Variants in CCDC171 observed in about 807,000 individuals in gnomAD.
CCDC171 encodes coiled-coil domain-containing protein 171.
A neutral mutation model predicts 168.2 loss-of-function variants in CCDC171; 177 were observed. That is an observed-to-expected ratio of 1.05 (90% CI 0.93 to 1.19). CCDC171 has a LOEUF of 1.19. Among genes scored for constraint, CCDC171 ranks in the 50% most tolerant of loss-of-function variants. CCDC171 has a pLI of 0.00. For missense variants in CCDC171, 1,991 were observed against 1,539.0 expected (o/e 1.29, Z -4.91); for synonymous variants, 687 against 540.8 (o/e 1.27, Z -3.75).
rs570568884 is a variant in CCDC171 at position 15,610,336 on chromosome 9, A to G, written c.676-12931A>G. 6.1e-3 allele frequency among the ~76,000 whole-genome samples: 909 copies of G among 148,526 alleles called. 7 individuals are homozygous for G. The highest frequency in any genetic ancestry group is 0.022 in the African/African-American group (884 of 40,362). Reference sequence around the variant, plus strand: ...AACCTCCTGGGCTCGGCTGGGCGCGATGGCTCATGCCTGTAATCCCAGCAC... The same window carrying G: ...AACCTCCTGGGCTCGGCTGGGCGCGGTGGCTCATGCCTGTAATCCCAGCAC... On this transcript the variant is annotated intron_variant, in intron 6 of 25. Transcript: ENST00000380701.
At chr9:15,753,936 T>G (rs2055926340) in intron 18 of CCDC171, among the ~76,000 whole-genome samples, 1 of 152,186 alleles carries the variant, frequency 6.6e-6, no homozygotes, top group African/African-American at 2.4e-5. Flanking sequence ...TGGATATAAC[T>G]TGACCATCTG....
At chr9:15,616,293 C>A (rs2044078978) in intron 6 of CCDC171, among the ~76,000 whole-genome samples, 1 of 151,710 alleles carries the variant, frequency 6.6e-6, no homozygotes, top group Non-Finnish European at 1.5e-5. Context: ...GCCATGTTGC[C>A]CAGTGTGGTC....
intron 25 of CCDC171, among the ~76,000 whole-genome samples, chr9:15,968,790 C>T (rs942017933): frequency 4.6e-5 from 7 of 152,140 alleles, no homozygotes; most frequent in South Asian, 2.1e-4. Flanking sequence ...CCACCCACCT[C>T]GGCCTCCCAA....
At chr9:15,866,684 A>G (rs890781476) in intron 23 of CCDC171, among the ~76,000 whole-genome samples, 10 of 152,040 alleles carry the variant, frequency 6.6e-5, no homozygotes, top group African/African-American at 2.2e-4. Flanking sequence ...ATTGACTAAC[A>G]TAATACTCTG....
chr9:15,666,750 G>C (rs548947566), intron 9 of CCDC171, among the ~76,000 whole-genome samples: 1 of 152,046 alleles, frequency 6.6e-6, no homozygotes, highest in Admixed American at 6.6e-5. Flanking sequence ...ACCTGAGCCC[G>C]GGAGTTCAAG....
Position 15,719,440 on chromosome 9 carries a change from GAGAGA to G in CCDC171, c.1319-2328_1319-2324del, listed in dbSNP as rs1564279591. Among the ~76,000 whole-genome samples, 325 of 122,850 alleles carry G rather than the reference GAGAGA, an allele frequency of 2.6e-3. 8 individuals are homozygous for G. Among genetic ancestry groups the G allele is most frequent in the African/African-American group, 2.7e-3 (78 of 29,310 alleles). The allele number at this position is 122,850 out of a possible 152,430, so 80.6% of individuals were successfully genotyped here. ...AAAGAGAGAGAGAGAGAGAGAGAGA[GAGAGA>G]GAAAGTTTATTCAAATGGATAATAA... is the stretch of plus-strand genomic sequence containing the variant. On this transcript the variant is annotated intron_variant, in intron 11 of 25. Transcript: ENST00000380701.
At chr9:15,675,187 G>GTTTTTTTTTT (rs138989790) in intron 9 of CCDC171, among the ~76,000 whole-genome samples, 3 of 75,542 alleles carry the variant, frequency 4.0e-5, no homozygotes, top group Admixed American at 4.0e-4. Context: ...TGCAACTCCT[G>GTTTTTTTTTT]TTTTTTTTTT....
At chr9:15,847,227 ATAT>A (rs1391072979) in intron 22 of CCDC171, among the ~76,000 whole-genome samples, 14 of 152,064 alleles carry the variant, frequency 9.2e-5, no homozygotes, top group African/African-American at 3.4e-4. Flanking sequence ...TGTTCTGCAT[ATAT>A]TATTATATAC....
chr9:15,753,916 G>A (rs1457359253), intron 18 of CCDC171, among the ~76,000 whole-genome samples: 1 of 152,080 alleles, frequency 6.6e-6, no homozygotes, highest in Non-Finnish European at 1.5e-5. Context: ...TTATCAGTGT[G>A]GACCCTCTCT....
At chr9:15,930,452 T>C (rs1448617090) in intron 25 of CCDC171, among the ~76,000 whole-genome samples, 1 of 151,616 alleles carries the variant, frequency 6.6e-6, no homozygotes, top group Non-Finnish European at 1.5e-5. Context: ...AGAACATTCT[T>C]TTCAACATAC....
chr9:15,629,456 G>C (rs184357650), intron 7 of CCDC171, among the ~76,000 whole-genome samples: 1 of 152,236 alleles, frequency 6.6e-6, no homozygotes, highest in Admixed American at 6.5e-5. Flanking sequence ...ATGAAATGAA[G>C]CAAGAAGGGA....
chr9:15,594,110 G>C lies in CCDC171; in HGVS notation c.613G>C (p.Glu205Gln). Residue 205 changes from glutamate to glutamine, a missense_variant, in exon 6 of 26, where the codon GAG (glutamate) becomes CAG (glutamine). By Grantham distance (29) the Glu-to-Gln change is conservative. Coordinates refer to ENST00000380701, the MANE Select transcript of CCDC171 (RefSeq NM_173550.4). Reference protein sequence around the residue: ...ESHIRETALEEFRLQEEQWEA... With the variant: ...ESHIRETALEQFRLQEEQWEA... Reference sequence around the variant, plus strand: ...TCATATCAGGGAGACAGCATTGGAGGAGTTTAGATTACAAGAAGAACAATG... The same window carrying C: ...TCATATCAGGGAGACAGCATTGGAGCAGTTTAGATTACAAGAAGAACAATG... 6.5e-7 allele frequency: 1 copy of C among 1,541,490 alleles called. No individual in the cohort carries two copies. Among genetic ancestry groups the C allele is most frequent in the South Asian group, 1.1e-5 (1 of 88,112 alleles).
intron 24 of CCDC171, chr9:15,886,503 G>A (rs1226570905): frequency 1.3e-5 from 2 of 152,136 alleles, no homozygotes; most frequent in Non-Finnish European, 2.9e-5. Context: ...GCGAACCTTT[G>A]TGCACTATTG....
chr9:15,928,469 T>C (rs1044194495), intron 25 of CCDC171, among the ~76,000 whole-genome samples: 1 of 151,762 alleles, frequency 6.6e-6, no homozygotes, highest in South Asian at 2.1e-4. Flanking sequence ...CTGTGTGGCA[T>C]ATAAGCTGTG....
the CCDC171 span, among the ~76,000 whole-genome samples, chr9:16,107,883 C>T: frequency 6.6e-6 from 1 of 152,078 alleles, no homozygotes; most frequent in African/African-American, 2.4e-5. Flanking sequence ...TGAAAGAATA[C>T]ATTTCATTAT....
chr9:15,742,027 C>G (rs1336410991), intron 16 of CCDC171, among the ~76,000 whole-genome samples: 2 of 152,116 alleles, frequency 1.3e-5, no homozygotes, highest in African/African-American at 4.8e-5. Flanking sequence ...TTTCACTTAT[C>G]TAAGTGTTGC....
intron 18 of CCDC171, among the ~76,000 whole-genome samples, chr9:15,746,401 A>G (rs1185549703): frequency 6.6e-6 from 1 of 152,224 alleles, no homozygotes; most frequent in Non-Finnish European, 1.5e-5. Context: ...CTTTTGTAGT[A>G]GGAAACTTAA....
intron 3 of CCDC171, among the ~76,000 whole-genome samples, chr9:15,576,267 T>C (rs1587082300): frequency 6.6e-6 from 1 of 151,912 alleles, no homozygotes; most frequent in Non-Finnish European, 1.5e-5. Context: ...CCCTACAGCC[T>C]GGAACTCCTG....
intron 16 of CCDC171, among the ~76,000 whole-genome samples, chr9:15,738,578 T>A (rs1429455233): frequency 6.6e-6 from 1 of 152,164 alleles, no homozygotes; most frequent in Non-Finnish European, 1.5e-5. Flanking sequence ...ATGTTTGTTT[T>A]AAAAATACTG....
Sources: allele counts gnomAD v4.1 joint callset (sites outside exome capture counted in the v4.1 genomes callset), GRCh38; gene constraint gnomAD v4.1.1; transcripts MANE v1.5; gene names NCBI Gene and HGNC (gene_info 2026-07-23, HGNC 2026-07-21).